CERS2: variants seen among roughly 807,000 people sequenced by gnomAD.
CERS2 encodes the protein ceramide synthase 2, also known as LAG1 homolog, ceramide synthase 2.
In CERS2, 20 loss-of-function variants were observed where a neutral mutation model predicts 56.6. That is an observed-to-expected ratio of 0.35 (90% CI 0.25 to 0.51). The LOEUF (loss-of-function observed/expected upper bound fraction) is 0.51, where lower values mean the gene tolerates loss of function less well. CERS2 is among the 20% of genes least tolerant of loss of function. The pLI, the probability that CERS2 is intolerant of heterozygous loss-of-function variation, is 0.96. For synonymous variants in CERS2, 187 were observed against 175.4 expected, an observed-to-expected ratio of 1.07 and a Z score of -0.52; for missense variants, 361 against 488.6, an observed-to-expected ratio of 0.74 and a Z score of 2.46.
At chr1:150,968,020 C>A in intron 4 of CERS2, 63 bp downstream of exon 4, 2 of 1,499,626 alleles carry the variant, frequency 1.3e-6, no homozygotes, top group Middle Eastern at 1.9e-4. Context: ...CACCGCCTAT[C>A]CCTCCCAGCA....
intron 9 of CERS2, 26 bp from the exon 10 acceptor site, chr1:150,966,655 G>A (rs370813912): frequency 8.7e-6 from 14 of 1,613,188 alleles, no homozygotes; most frequent in Admixed American, 1.7e-5. Flanking sequence ...GAGAGAGAAC[G>A]TGGACAAGAG....
At chr1:150,973,422 T>C (rs1002778640) in intron 1 of CERS2, among the ~76,000 whole-genome samples, 1 of 152,204 alleles carries the variant, frequency 6.6e-6, no homozygotes, top group Non-Finnish European at 1.5e-5. Context: ...AGCCAGCCTA[T>C]GGCCAGTGAC....
chr1:150,971,249 T>C (rs1337964573), intron 1 of CERS2, among the ~76,000 whole-genome samples: 2 of 152,134 alleles, frequency 1.3e-5, no homozygotes, highest in East Asian at 1.9e-4. Context: ...GTGGTGAAAT[T>C]GTTATCCACA....
rs879826873 is a variant in CERS2, at chr1:150,965,699, G to C, written c.*449C>G. 1 of 156,016 alleles carries C rather than the reference G, an allele frequency of 6.4e-6. No individual in the cohort carries two copies. The highest frequency in any genetic ancestry group is 1.4e-5 in the Non-Finnish European group (1 of 70,544). The allele number at this position is 156,016 out of a possible 1,614,324, so 9.7% of individuals were successfully genotyped here. ...CAGCTTTGGTTTCTGGCCCAAGTTA[G>C]GGAGCTTAGAAAGGTTAGCCTTGGT... is the stretch of plus-strand genomic sequence containing the variant. On this transcript the variant is annotated 3_prime_UTR_variant, in exon 11 of 11. Coordinates refer to ENST00000368954, the MANE Select transcript of CERS2 (RefSeq NM_022075.5).
intron 9 of CERS2, 36 bp from the exon 10 acceptor site, chr1:150,966,665 G>C: frequency 6.2e-7 from 1 of 1,612,602 alleles, no homozygotes; most frequent in Non-Finnish European, 8.5e-7. Context: ...GTGGACAAGA[G>C]CAGGTCAGAC....
In CERS2 at chr1:150,966,494, G is replaced by C. The variant is rs1298589032; in HGVS notation, c.984C>G (p.His328Gln). 1.2e-6 allele frequency: 2 copies of C among 1,614,140 alleles called. No homozygotes were observed. Among genetic ancestry groups the C allele is most frequent in the East Asian group, 4.5e-5 (2 of 44,888 alleles). Residue 328 changes from histidine to glutamine, a missense_variant, in exon 10 of 11, where the codon CAC (histidine) becomes CAG (glutamine). Physicochemically the swap from His to Gln is conservative, Grantham distance 24. This residue lies in a region of CERS2 where 122 missense variants were observed against 151.9 expected (regional missense o/e 0.80). Coordinates refer to ENST00000368954, the MANE Select transcript of CERS2 (RefSeq NM_022075.5). ...FWAYLILRMA[H>Q]KFITGKLVED... is the part of the protein sequence containing the mutation. ...GCTTCACCTTTCCAGTTATGAACTT[G>C]TGGGCCATGCGCAAAATGAGGTAGG...
At chr1:150,968,372 C>G (rs201840860) in intron 3 of CERS2, 23 bp downstream of exon 3, 22 of 1,578,918 alleles carry the variant, frequency 1.4e-5, no homozygotes, top group Middle Eastern at 1.7e-4. Context: ...ATTCCCAGAG[C>G]CAGAGCAGCA....
chr1:150,966,306 G>A lies in CERS2; in HGVS notation c.1003-18C>T, dbSNP rs775411798. ...TCTACCAGCTGTGGAAAAGGGACAA[G>A]AAGGGTTATTACATGAGATCCTCAA... On this transcript the variant is annotated intron_variant, in intron 10 of 10. Coordinates refer to ENST00000368954, the MANE Select transcript of CERS2 (RefSeq NM_022075.5). 1.7e-5 allele frequency: 28 copies of A among 1,609,668 alleles called. No homozygotes were observed. The highest frequency in any genetic ancestry group is 2.3e-5 in the Non-Finnish European group (27 of 1,177,650).
In CERS2 at chr1:150,966,214, T is replaced by A; in HGVS notation, c.1077A>T (p.Gly359=). Residue 359 remains glycine (G), a synonymous_variant, in exon 11 of 11, where the codon GGA becomes GGT. Coordinates refer to ENST00000368954, the MANE Select transcript of CERS2 (RefSeq NM_022075.5). ...SEGEEAAAGG[G]AKSRPLANGH... is the part of the protein sequence containing the mutation. The stretch of plus-strand genomic sequence containing the variant: ...CATTGGCTAGGGGCCGGCTCTTTGC[T>A]CCTCCCCCAGCTGCAGCCTCCTCCC... 1.9e-6 allele frequency: 3 copies of A among 1,607,210 alleles called. No homozygotes were observed. Among genetic ancestry groups the A allele is most frequent in the Non-Finnish European group, 2.5e-6 (3 of 1,178,160 alleles).
Position 150,966,468 on chromosome 1 carries a change from G to A in CERS2, c.1002+8C>T. The A allele has an allele frequency of 6.2e-7, 1 of 1,614,048 alleles. No individual in the cohort carries two copies. Among genetic ancestry groups the A allele is most frequent in the Non-Finnish European group, 8.5e-7 (1 of 1,180,004 alleles). On this transcript the variant is annotated splice_region_variant and intron_variant, in intron 10 of 10. Coordinates refer to ENST00000368954, the MANE Select transcript of CERS2 (RefSeq NM_022075.5). ...AGTAAGGCCTACACAATGGGAACAG[G>A]GCTTCACCTTTCCAGTTATGAACTT...
At chr1:150,969,501 G>A (rs1345044339) in intron 1 of CERS2, among the ~76,000 whole-genome samples, 1 of 151,864 alleles carries the variant, frequency 6.6e-6, no homozygotes, top group African/African-American at 2.4e-5. Flanking sequence ...CTTGAACCCA[G>A]GAGGCAGAGG....
rs751067365 is a variant in CERS2 at position 150,967,136 on chromosome 1, T to G, written c.679A>C (p.Asn227His). ...ATTAGAGTCCCAGCTCGGATGTAAT[T>G]GGCAAACCAGGAAAAGCTGATGAGA... ...IILISFSWFA[N>H]YIRAGTLIMA... is the part of the protein sequence containing the mutation. The change falls in exon 8 of 11, where the codon AAT (asparagine) becomes CAT (histidine). Residue 227 changes from asparagine to histidine, a missense_variant. Physicochemically the swap from Asn to His is moderately conservative, Grantham distance 68. This residue lies in a region of CERS2 where 236 missense variants were observed against 309.2 expected (regional missense o/e 0.76). Transcript: ENST00000368954. 1 of 1,613,952 alleles carries G rather than the reference T, an allele frequency of 6.2e-7. No individual in the cohort carries two copies. Among genetic ancestry groups the G allele is most frequent in the Non-Finnish European group, 8.5e-7 (1 of 1,179,828 alleles).
chr1:150,972,072 GT>G, intron 1 of CERS2: 2 of 372,960 alleles, frequency 5.4e-6, no homozygotes, highest in Non-Finnish European at 5.3e-6. Context: ...AAAACAGGGG[GT>G]GGGGGGCAGG....
At chr1:150,969,223 T>TA (rs1671116203) in intron 1 of CERS2, 132 bp from the exon 2 acceptor site, 3 of 729,436 alleles carry the variant, frequency 4.1e-6, no homozygotes, top group Admixed American at 5.4e-5. Flanking sequence ...CTATCCTGGC[T>TA]ATGTAGCCTT....
chr1:150,970,165 T>C (rs1249280999), intron 1 of CERS2, among the ~76,000 whole-genome samples: 1 of 146,214 alleles, frequency 6.8e-6, no homozygotes, highest in Admixed American at 6.9e-5. Flanking sequence ...GAGGTGAAGG[T>C]TGCAGTGAGC....
chr1:150,967,948 G>A, intron 4 of CERS2, 71 bp from the exon 5 acceptor site: 1 of 1,412,052 alleles, frequency 7.1e-7, no homozygotes, highest in Non-Finnish European at 1.0e-6. Context: ...AATACCTGCA[G>A]ATACCCTCAC....
chr1:150,968,215 A>C lies in CERS2; in HGVS notation c.292-14T>G, dbSNP rs201277521. The C allele has an allele frequency of 1.0e-4, 163 of 1,606,986 alleles. No homozygotes were observed. The highest frequency in any genetic ancestry group is 3.3e-4 in the East Asian group (15 of 44,862). ...CTCTACTTCCACCTGGGCACAGTGAAGAAGCCCATTGTTATGTTTACCTTC... is the reference window on the plus strand; with the variant it reads ...CTCTACTTCCACCTGGGCACAGTGACGAAGCCCATTGTTATGTTTACCTTC... On this transcript the variant is annotated splice_polypyrimidine_tract_variant and intron_variant, in intron 3 of 10. Transcript: ENST00000368954.
intron 3 of CERS2, 38 bp downstream of exon 3, chr1:150,968,357 C>T (rs1453818745): frequency 1.3e-6 from 2 of 1,559,052 alleles, no homozygotes; most frequent in Admixed American, 1.7e-5. Context: ...CCACCAAACT[C>T]AGTGATTCCC....
rs1409641158 is a variant in CERS2 at position 150,974,661 on chromosome 1, C to T, written c.-44G>A. ...GGGGCCGGGGCCGCTGCTCCGTGTA[C>T]TCCGTCTGCTCGGGTGGTTGCTCCG... On this transcript the variant is annotated 5_prime_UTR_variant, in exon 1 of 11. Coordinates refer to ENST00000368954, the MANE Select transcript of CERS2 (RefSeq NM_022075.5). The T allele has an allele frequency of 2.0e-5, 3 of 150,492 alleles. No homozygotes were observed. Among genetic ancestry groups the T allele is most frequent in the African/African-American group, 4.9e-5 (2 of 41,058 alleles). The allele number at this position is 150,492 out of a possible 1,614,324, so 9.3% of individuals were successfully genotyped here.
Sources: allele counts gnomAD v4.1 joint callset (sites outside exome capture counted in the v4.1 genomes callset), GRCh38; gene constraint gnomAD v4.1.1; regional missense constraint gnomAD v4.1.1; transcripts MANE v1.5; gene names NCBI Gene and HGNC (gene_info 2026-07-23, HGNC 2026-07-21).